SH2D3C: variants seen among roughly 807,000 people sequenced by gnomAD.
SH2D3C encodes the protein SH2 domain-containing protein 3C.
A neutral mutation model predicts 75.2 loss-of-function variants in SH2D3C; 25 were observed. That is an observed-to-expected ratio of 0.33 (90% CI 0.24 to 0.46). The LOEUF is 0.46. SH2D3C is among the 20% of genes least tolerant of loss of function. The pLI, the probability that SH2D3C is intolerant of heterozygous loss-of-function variation, is 1.00. For missense variants in SH2D3C, 933 were observed against 1,165.3 expected (o/e 0.80, Z 2.90); for synonymous variants, 450 against 473.7 (o/e 0.95, Z 0.65).
chr9:127,777,861 G>T (rs1829052678), intron 1 of SH2D3C, among the ~76,000 whole-genome samples: 1 of 151,276 alleles, frequency 6.6e-6, no homozygotes, highest in Non-Finnish European at 1.5e-5. Flanking sequence ...TGGACAAAGA[G>T]AAACAGAAAC....
In SH2D3C at chr9:127,739,346, T is replaced by C. The variant is rs1844778792; in HGVS notation, c.2407+336A>G. On this transcript the variant is annotated intron_variant, in intron 11 of 11. Coordinates refer to ENST00000314830, the MANE Select transcript of SH2D3C (RefSeq NM_170600.3). This position sits in a 1 kb window ranked among gnomAD's most constrained non-coding sequence, Gnocchi z 4.3. Reference sequence around the variant, plus strand: ...CAACATGGTGGAACCCCACCTCTACTAAAAATACAAAAAATTGGCCAGGTA... The same window carrying C: ...CAACATGGTGGAACCCCACCTCTACCAAAAATACAAAAAATTGGCCAGGTA... Among the ~76,000 whole-genome samples, 1 of 151,828 alleles carries C rather than the reference T, an allele frequency of 6.6e-6. No homozygotes were observed. The highest frequency in any genetic ancestry group is 1.5e-5 in the Non-Finnish European group (1 of 67,946).
chr9:127,764,132 G>A (rs1356708185), intron 2 of SH2D3C, among the ~76,000 whole-genome samples: 1 of 152,186 alleles, frequency 6.6e-6, no homozygotes, highest in African/African-American at 2.4e-5. Context: ...TCGGGCTCTG[G>A]GACAGGGGCA....
intron 2 of SH2D3C, among the ~76,000 whole-genome samples, chr9:127,767,984 G>C (rs1290404963): frequency 3.3e-5 from 5 of 152,202 alleles, no homozygotes; most frequent in Non-Finnish European, 7.3e-5. Context: ...CCAGCTAGGG[G>C]CCGGGGGAAC....
chr9:127,768,637 A>G (rs1845678372), intron 2 of SH2D3C, among the ~76,000 whole-genome samples: 1 of 152,238 alleles, frequency 6.6e-6, no homozygotes, highest in African/African-American at 2.4e-5. Context: ...TCTTTTAACA[A>G]CATAAGTCAC....
intron 2 of SH2D3C, chr9:127,767,332 T>A: frequency 1.4e-6 from 2 of 1,428,680 alleles, no homozygotes; most frequent in Non-Finnish European, 1.8e-6. Flanking sequence ...AGGGAACGCC[T>A]GGATCTCGAA....
Position 127,741,971 on chromosome 9 carries a change from G to T in SH2D3C, c.1917-12C>A. ...ACATGGTGTGGAACCTGTCAGAGCGGCGGGGTCAGAGGCGGCGGGCTCGGG... is the reference window on the plus strand; with the variant it reads ...ACATGGTGTGGAACCTGTCAGAGCGTCGGGGTCAGAGGCGGCGGGCTCGGG... On this transcript the variant is annotated splice_polypyrimidine_tract_variant and intron_variant, in intron 8 of 11. Transcript: ENST00000314830. 6.2e-7 allele frequency: 1 copy of T among 1,601,838 alleles called. No individual in the cohort carries two copies. The highest frequency in any genetic ancestry group is 8.5e-7 in the Non-Finnish European group (1 of 1,173,982).
In SH2D3C at chr9:127,738,847, C is replaced by T. The variant is rs1186204864; in HGVS notation, c.2482G>A (p.Gly828Ser). 2 of 1,601,846 alleles carry T rather than the reference C, an allele frequency of 1.2e-6. No individual in the cohort carries two copies. The highest frequency in any genetic ancestry group is 1.7e-5 in the Admixed American group (1 of 57,906). Residue 828 changes from glycine (G) to serine (S), a missense_variant, in exon 12 of 12, where the codon GGT (glycine) becomes AGT (serine). By Grantham distance (56) the Gly-to-Ser change is moderately conservative (BLOSUM62 0). Transcript: ENST00000314830. The surrounding 1 kb of genome is among the most constrained non-coding windows in gnomAD (Gnocchi z 5.0). ...FQMRLLWGSQGASSSQARRYE... is the reference protein window; with the variant it reads ...FQMRLLWGSQSASSSQARRYE... ...CGCCGGGCCTGGCTGCTGCTGGCAC[C>T]CTGACTGCCCCAGAGAAGGCGCATC...
At chr9:127,765,647 A>G (rs1845619631) in intron 2 of SH2D3C, among the ~76,000 whole-genome samples, 1 of 152,104 alleles carries the variant, frequency 6.6e-6, no homozygotes, top group Admixed American at 6.5e-5. Context: ...TCTGCCTAGA[A>G]TGTCTTTGCT....
At position 127,738,829 on chromosome 9, in the gene SH2D3C, C is replaced by T; in HGVS notation, c.2500G>A (p.Ala834Thr). The T allele has an allele frequency of 6.2e-7, 1 of 1,605,480 alleles. No homozygotes were observed. The highest frequency in any genetic ancestry group is 8.5e-7 in the Non-Finnish European group (1 of 1,176,348). The change falls in exon 12 of 12, where the codon GCC (alanine) becomes ACC (threonine). Residue 834 changes from alanine (A) to threonine (T), a missense_variant. Coordinates refer to ENST00000314830, the MANE Select transcript of SH2D3C (RefSeq NM_170600.3). This position sits in a 1 kb window ranked among gnomAD's most constrained non-coding sequence, Gnocchi z 5.0. ...WGSQGASSSQ[A>T]RRYEKFDKVL... ...TTGTCGAACTTCTCATAGCGCCGGG[C>T]CTGGCTGCTGCTGGCACCCTGACTG... is the stretch of plus-strand genomic sequence containing the variant.
chr9:127,745,963 G>A (rs1845018458), intron 6 of SH2D3C, among the ~76,000 whole-genome samples: 1 of 152,180 alleles, frequency 6.6e-6, no homozygotes, highest in Non-Finnish European at 1.5e-5. Flanking sequence ...TCCTTTCAAT[G>A]TCCTATGAAG....
In SH2D3C at chr9:127,751,082, G is replaced by T; in HGVS notation, c.684+90C>A. ...TGAATCCACCAAGCAACAGGTCAGAGCCTCCCAGGTGGCTGCAGCCAGGGC... is the reference window on the plus strand; with the variant it reads ...TGAATCCACCAAGCAACAGGTCAGATCCTCCCAGGTGGCTGCAGCCAGGGC... On this transcript the variant is annotated intron_variant, in intron 4 of 11. Coordinates refer to ENST00000314830, the MANE Select transcript of SH2D3C (RefSeq NM_170600.3). The surrounding 1 kb of genome is among the most constrained non-coding windows in gnomAD (Gnocchi z 4.1). The T allele has an allele frequency of 1.5e-6, 2 of 1,305,490 alleles. No homozygotes were observed. The highest frequency in any genetic ancestry group is 2.2e-6 in the Non-Finnish European group (2 of 917,472). The allele number at this position is 1,305,490 out of a possible 1,614,324, so 80.9% of individuals were successfully genotyped here.
Position 127,739,919 on chromosome 9 carries a change from G to A in SH2D3C, c.2201-31C>T. 6.7e-7 allele frequency: 1 copy of A among 1,487,050 alleles called. No individual in the cohort carries two copies. Among genetic ancestry groups the A allele is most frequent in the Non-Finnish European group, 9.0e-7 (1 of 1,109,030 alleles). The allele number at this position is 1,487,050 out of a possible 1,614,324, so 92.1% of individuals were successfully genotyped here. A position where few individuals can be genotyped will look rare whatever the true frequency, so the allele number is the denominator to read the frequency against. On this transcript the variant is annotated intron_variant, in intron 10 of 11. Transcript: ENST00000314830. The surrounding 1 kb of genome is among the most constrained non-coding windows in gnomAD (Gnocchi z 4.3). ...AGGAGAAAGGCAGCAGGCGCTTAAA[G>A]ATCCTGTAGTGCCCCACCATCCACT...
chr9:127,768,080 T>C (rs1564424418), intron 2 of SH2D3C, among the ~76,000 whole-genome samples: 12 of 151,998 alleles, frequency 7.9e-5, no homozygotes. Context: ...CCACAGGAAA[T>C]GAGAGCCGGG....
At position 127,761,131 on chromosome 9, in the gene SH2D3C, G is replaced by A. The variant is rs369965865; in HGVS notation, c.555+480C>T. Among the ~76,000 whole-genome samples the A allele has an allele frequency of 1.3e-4, 20 of 152,258 alleles. No homozygotes were observed. The South Asian group carries it at 3.1e-3, about 24-fold the overall frequency. Reference sequence around the variant, plus strand: ...GCTGGGATTACAAGCATGAGCCACCGTGCCCGGCCAAAACTGCATTTCAAT... The same window carrying A: ...GCTGGGATTACAAGCATGAGCCACCATGCCCGGCCAAAACTGCATTTCAAT... On this transcript the variant is annotated intron_variant, in intron 3 of 11. Coordinates refer to ENST00000314830, the MANE Select transcript of SH2D3C (RefSeq NM_170600.3).
rs1844909436 is a variant in SH2D3C, at chr9:127,742,936, T to A, written c.1829A>T (p.Glu610Val). Residue 610 changes from glutamate to valine, a missense_variant, in exon 8 of 12, where the codon GAG becomes GTG. Transcript: ENST00000314830. ...GCGGACTCCCATTAGGGTCTGCATC[T>A]CCTTGGTAACGCCCAGTATCCTAGC... ...LVARILGVTK[E>V]MQTLMGVRWG... is the part of the protein sequence containing the mutation. 2 of 1,613,698 alleles carry A rather than the reference T, an allele frequency of 1.2e-6. No homozygotes were observed. Among genetic ancestry groups the A allele is most frequent in the East Asian group, 2.2e-5 (1 of 44,878 alleles).
intron 3 of SH2D3C, 24 bp downstream of exon 3, chr9:127,761,587 C>G (rs749076421): frequency 1.3e-6 from 2 of 1,592,882 alleles, no homozygotes; most frequent in Non-Finnish European, 1.7e-6. Context: ...GTCCTCTGAC[C>G]AACCCCTGGC....
intron 9 of SH2D3C, among the ~76,000 whole-genome samples, chr9:127,741,287 G>T (rs1049189620): frequency 1.3e-5 from 2 of 148,280 alleles, no homozygotes; most frequent in Non-Finnish European, 3.0e-5. Flanking sequence ...GTTGCCCAGG[G>T]TGGAGTGCAG....
chr9:127,741,994 G>A, intron 8 of SH2D3C, 35 bp from the exon 9 acceptor site: 1 of 1,570,030 alleles, frequency 6.4e-7, no homozygotes. Flanking sequence ...CGGCGGGCTC[G>A]GGGACAGGGG....
chr9:127,739,945 G>A lies in SH2D3C; in HGVS notation c.2201-57C>T, dbSNP rs568140548. 7.0e-7 allele frequency: 1 copy of A among 1,431,910 alleles called. No individual in the cohort carries two copies. Among genetic ancestry groups the A allele is most frequent in the East Asian group, 2.5e-5 (1 of 39,754 alleles). 88.7% of individuals were successfully genotyped at this position (1,431,910 alleles called of 1,614,324 possible). A position where few individuals can be genotyped will look rare whatever the true frequency, so the allele number is the denominator to read the frequency against. ...ATCCTGTAGTGCCCCACCATCCACT[G>A]CAGTCCTGGAAGCTGAGGTGCAGGA... On this transcript the variant is annotated intron_variant, in intron 10 of 11. Transcript: ENST00000314830. This position sits in a 1 kb window ranked among gnomAD's most constrained non-coding sequence, Gnocchi z 4.3.
Sources: allele counts gnomAD v4.1 joint callset (sites outside exome capture counted in the v4.1 genomes callset), GRCh38; gene constraint gnomAD v4.1.1; non-coding constraint Gnocchi (gnomAD v3.1); transcripts MANE v1.5; gene names NCBI Gene and HGNC (gene_info 2026-07-23, HGNC 2026-07-21).